AP1M2: variants seen among roughly 807,000 people sequenced by gnomAD.
AP1M2 encodes the protein adaptor related protein complex 1 subunit mu 2, also known as AP-1 complex subunit mu-2.
AP1M2 carries 41 observed loss-of-function variants against 54.6 expected under a neutral mutation model. The ratio of observed to expected loss-of-function variants is 0.75; its 90% CI spans 0.59 to 0.97. AP1M2 has a LOEUF of 0.97. Ranked by LOEUF, AP1M2 falls within the 50% of genes least tolerant of loss-of-function variation. AP1M2 has a pLI of 0.00. For missense variants in AP1M2, 507 were observed against 561.2 expected, an observed-to-expected ratio of 0.90 and a Z score of 0.98; for synonymous variants, 219 against 215.9, an observed-to-expected ratio of 1.01 and a Z score of -0.13.
chr19:10,576,153 G>A (rs1260760438), intron 9 of AP1M2, among the ~76,000 whole-genome samples: 5 of 148,258 alleles, frequency 3.4e-5, no homozygotes, highest in African/African-American at 7.5e-5. Context: ...GTGCGGTGGC[G>A]TGATCTCAAC....
chr19:10,578,751 C>T, intron 8 of AP1M2, 141 bp downstream of exon 8: 1 of 547,430 alleles, frequency 1.8e-6, no homozygotes, highest in South Asian at 2.3e-5. Flanking sequence ...AGGGTTTCGC[C>T]CTGTTGCCCA....
chr19:10,581,435 G>T (rs369130961), intron 5 of AP1M2, 43 bp from the exon 6 acceptor site: 2 of 1,609,958 alleles, frequency 1.2e-6, no homozygotes, highest in Non-Finnish European at 1.7e-6. Flanking sequence ...ATCAAACTCC[G>T]TCTCCTGCAG....
rs1171037698 is a variant in AP1M2 at position 10,587,258 on chromosome 19, G to A, written c.-27C>T. 12 of 1,559,720 alleles carry A rather than the reference G, an allele frequency of 7.7e-6. No homozygotes were observed. Among genetic ancestry groups the A allele is most frequent in the Non-Finnish European group, 9.5e-6 (11 of 1,152,130 alleles). On this transcript the variant is annotated 5_prime_UTR_variant, in exon 1 of 12. Coordinates refer to ENST00000250244, the MANE Select transcript of AP1M2 (RefSeq NM_005498.5). Reference sequence around the variant, plus strand: ...GTGGCGGCCGAAGGACTTAGGAGTCGGGGAGGGAGCGCCGGGAGGCGATGG... The same window carrying A: ...GTGGCGGCCGAAGGACTTAGGAGTCAGGGAGGGAGCGCCGGGAGGCGATGG...
chr19:10,585,262 AG>A (rs1299916924), intron 1 of AP1M2, among the ~76,000 whole-genome samples: 7 of 110,036 alleles, frequency 6.4e-5, no homozygotes, highest in East Asian at 6.2e-4. Context: ...GAAGGAAAGA[AG>A]GAAAGAAAGA....
chr19:10,576,767 C>T (rs1014880626), intron 9 of AP1M2, among the ~76,000 whole-genome samples: 2 of 150,352 alleles, frequency 1.3e-5, no homozygotes, highest in African/African-American at 4.9e-5. Context: ...TGTGCAGTGG[C>T]ACAATCTCAG....
chr19:10,583,131 CTTT>C (rs111410947), intron 3 of AP1M2, among the ~76,000 whole-genome samples: 2 of 147,140 alleles, frequency 1.4e-5, no homozygotes, highest in Non-Finnish European at 3.0e-5. Context: ...TGGCCTTTTT[CTTT>C]TTTTTTTTAA....
At chr19:10,581,141 G>A (rs1452914130) in intron 6 of AP1M2, 125 bp downstream of exon 6, 14 of 1,358,824 alleles carry the variant, frequency 1.0e-5, no homozygotes, top group African/African-American at 2.9e-5. Context: ...AATACTGGCC[G>A]TGATCAGCAG....
intron 8 of AP1M2, among the ~76,000 whole-genome samples, chr19:10,577,559 G>GAGCAGCTGGGACTAC (rs1210174494): frequency 7.0e-6 from 1 of 143,552 alleles, no homozygotes; most frequent in Non-Finnish European, 1.5e-5. Flanking sequence ...TCAGCCTCCT[G>GAGCAGCTGGGACTAC]AGCAGCTGGG....
chr19:10,581,215 T>G (rs1599551570), intron 6 of AP1M2, 51 bp downstream of exon 6: 1 of 1,555,484 alleles, frequency 6.4e-7, no homozygotes, highest in Non-Finnish European at 8.7e-7. Context: ...GTGGGGCGGG[T>G]TTGCGACTCC....
intron 2 of AP1M2, 114 bp from the exon 3 acceptor site, chr19:10,583,787 C>A: frequency 6.7e-7 from 1 of 1,490,054 alleles, no homozygotes; most frequent in Non-Finnish European, 9.1e-7. Flanking sequence ...TGCCCCTGCC[C>A]CCCAGCCTAA....
At chr19:10,578,802 C>G in intron 8 of AP1M2, 90 bp downstream of exon 8, 4 of 1,025,158 alleles carry the variant, frequency 3.9e-6, no homozygotes, top group Admixed American at 2.1e-5. Context: ...TCTAACCACC[C>G]CGGCCTCCCA....
chr19:10,579,646 G>T, intron 7 of AP1M2, 70 bp downstream of exon 7: 1 of 1,498,414 alleles, frequency 6.7e-7, no homozygotes, highest in Admixed American at 2.1e-5. Flanking sequence ...GAGCCACTGC[G>T]CTGGGCCCAG....
intron 3 of AP1M2, 137 bp downstream of exon 3, chr19:10,583,469 T>G: frequency 1.6e-6 from 1 of 639,298 alleles, no homozygotes; most frequent in Non-Finnish European, 2.7e-6. Context: ...ACCCCATCTC[T>G]ACCAGAAAAA....
intron 3 of AP1M2, among the ~76,000 whole-genome samples, chr19:10,582,886 C>T (rs1360281377): frequency 2.0e-5 from 3 of 148,404 alleles, no homozygotes; most frequent in South Asian, 2.2e-4. Flanking sequence ...AGTGCAGTGG[C>T]GAGATCTTGG....
chr19:10,573,072 G>T lies in AP1M2; in HGVS notation c.1266C>A (p.Thr422=). 1 of 1,565,404 alleles carries T rather than the reference G, an allele frequency of 6.4e-7. No homozygotes were observed. Among genetic ancestry groups the T allele is most frequent in the Non-Finnish European group, 8.7e-7 (1 of 1,154,804 alleles). ...ITQSGDYQLR[T]S ...CCCCCATCTCTTCTCCCTTCTAGCT[G>T]GTACGAAGTTGGTAATCTGCAGAGA... Residue 422 remains threonine (T), a synonymous_variant, in exon 12 of 12, where the codon ACC becomes ACA. Coordinates refer to ENST00000250244, the MANE Select transcript of AP1M2 (RefSeq NM_005498.5).
In AP1M2 at chr19:10,575,019, T is replaced by G; in HGVS notation, c.1058A>C (p.Glu353Ala). 6.6e-7 allele frequency: 1 copy of G among 1,520,428 alleles called. No homozygotes were observed. Among genetic ancestry groups the G allele is most frequent in the Non-Finnish European group, 8.8e-7 (1 of 1,130,404 alleles). The allele number at this position is 1,520,428 out of a possible 1,614,324, so 94.2% of individuals were successfully genotyped here. A position where few individuals can be genotyped will look rare whatever the true frequency, so the allele number is the denominator to read the frequency against. ...GCCAAAGTGGGCTCGCATCAAGTAC[T>G]CCTTGCCCCCCTGAGGGAACATGGG... ...WSIKSFPGGK[E>A]YLMRAHFGLP... is the part of the protein sequence containing the mutation. Residue 353 changes from glutamate (E) to alanine (A), a missense_variant, in exon 10 of 12, where the codon GAG (glutamate) becomes GCG (alanine). Transcript: ENST00000250244.
intron 7 of AP1M2, 52 bp from the exon 8 acceptor site, chr19:10,579,015 CTTT>C (rs749676329): frequency 3.6e-3 from 2,658 of 738,890 alleles, no homozygotes; most frequent in East Asian, 7.6e-3. Context: ...TGACTCTCTT[CTTT>C]TTTTTTTTTT....
chr19:10,576,706 CT>C (rs751510668), intron 9 of AP1M2, among the ~76,000 whole-genome samples: 2,794 of 136,272 alleles, frequency 0.021, 27 homozygotes, highest in Middle Eastern at 0.067. Flanking sequence ...GCCTTTTAAT[CT>C]TTTTTTTTTT....
At chr19:10,576,858 C>T (rs952065125) in intron 9 of AP1M2, among the ~76,000 whole-genome samples, 5 of 152,110 alleles carry the variant, frequency 3.3e-5, no homozygotes, top group Non-Finnish European at 5.9e-5. Context: ...AGGCATGCGC[C>T]ACCACACCCA....
Sources: gnomAD v4.1 joint callset for allele counts (sites outside exome capture counted in the v4.1 genomes callset) on GRCh38, gnomAD v4.1.1 for gene constraint, MANE v1.5 for transcripts, NCBI Gene and HGNC (gene_info 2026-07-23, HGNC 2026-07-21) for gene names.